Variants in GRID2 observed in about 807,000 individuals in gnomAD.
GRID2 encodes glutamate receptor ionotropic, delta-2.
In GRID2, 33 loss-of-function variants were observed where a neutral mutation model predicts 114.8. That is an observed-to-expected ratio of 0.29 (90% CI 0.22 to 0.38). The LOEUF (loss-of-function observed/expected upper bound fraction) is 0.38, where lower values mean the gene tolerates loss of function less well. Among genes scored for constraint, GRID2 ranks in the 10% least tolerant of loss-of-function variants. The pLI, the probability that GRID2 is intolerant of heterozygous loss-of-function variation, is 1.00. For synonymous variants in GRID2, 505 were observed against 449.9 expected (o/e 1.12, Z -1.55); for missense variants, 1,184 against 1,257.7 (o/e 0.94, Z 0.89).
At chr4:93,378,673 G>A (rs1180441359) in intron 8 of GRID2, among the ~76,000 whole-genome samples, 8 of 151,982 alleles carry the variant, frequency 5.3e-5, no homozygotes, top group Non-Finnish European at 7.4e-5. Flanking sequence ...CTTAGAGAAC[G>A]GTCCTGTTTT....
intron 2 of GRID2, among the ~76,000 whole-genome samples, chr4:92,659,893 T>C (rs1732439421): frequency 6.6e-6 from 1 of 151,492 alleles, no homozygotes; most frequent in South Asian, 2.1e-4. Flanking sequence ...TAGTACATTC[T>C]TTCCTCGGAT....
At position 93,203,719 on chromosome 4, in the gene GRID2, A is replaced by G. The variant is rs141825587; in HGVS notation, c.736-3685A>G. On this transcript the variant is annotated intron_variant, in intron 4 of 15. Coordinates refer to ENST00000282020, the MANE Select transcript of GRID2 (RefSeq NM_001510.4). ...TAGACCCAAAATGTAATATTCTACT[A>G]CTAAAGATTTGTTTCATGTCAGCTC... Among the ~76,000 whole-genome samples the G allele has an allele frequency of 4.9e-3, 748 of 152,316 alleles. 7 individuals are homozygous for G. The highest frequency in any genetic ancestry group is 0.017 in the African/African-American group (721 of 41,576).
intron 7 of GRID2, among the ~76,000 whole-genome samples, chr4:93,228,948 A>C (rs1503222): frequency 1.3e-5 from 2 of 151,916 alleles, no homozygotes; most frequent in African/African-American, 4.8e-5. Context: ...ATTTATAACC[A>C]AAACAATTAT....
At chr4:93,300,699 C>G (rs1201306386) in intron 8 of GRID2, among the ~76,000 whole-genome samples, 1 of 152,160 alleles carries the variant, frequency 6.6e-6, no homozygotes, top group Non-Finnish European at 1.5e-5. Flanking sequence ...CTCTCAGACA[C>G]CGAGTTGTAG....
intron 1 of GRID2, among the ~76,000 whole-genome samples, chr4:92,455,229 A>G (rs576142016): frequency 1.3e-5 from 2 of 152,324 alleles, no homozygotes; most frequent in South Asian, 2.1e-4. Flanking sequence ...TAATGCATCT[A>G]TTGAGCAAGT....
intron 8 of GRID2, among the ~76,000 whole-genome samples, chr4:93,270,214 A>T (rs1251199952): frequency 1.1e-5 from 1 of 87,132 alleles, no homozygotes; most frequent in African/African-American, 6.2e-5. Flanking sequence ...TCACACACAC[A>T]TACACACACA....
chr4:93,710,325 G>T (rs1400427166), intron 14 of GRID2, among the ~76,000 whole-genome samples: 1 of 152,210 alleles, frequency 6.6e-6, no homozygotes, highest in Non-Finnish European at 1.5e-5. Context: ...TGACCTTGCA[G>T]CCTGTTAGAG....
chr4:93,615,031 A>T (rs1412870038), intron 13 of GRID2, among the ~76,000 whole-genome samples: 1 of 152,198 alleles, frequency 6.6e-6, no homozygotes, highest in East Asian at 1.9e-4. Context: ...TTGGTGTGCA[A>T]TGCTGCTCTT....
chr4:92,895,584 C>T (rs975719965), intron 2 of GRID2, among the ~76,000 whole-genome samples: 1 of 151,374 alleles, frequency 6.6e-6, no homozygotes, highest in Non-Finnish European at 1.5e-5. Flanking sequence ...TTTGAGTTAC[C>T]AGTAATAAAA....
At chr4:93,238,942 T>C (rs1325688110) in intron 8 of GRID2, among the ~76,000 whole-genome samples, 1 of 151,216 alleles carries the variant, frequency 6.6e-6, no homozygotes, top group Non-Finnish European at 1.5e-5. Flanking sequence ...TCATGTAATA[T>C]GTAGAAAATA....
chr4:92,638,787 A>C (rs1278787300), intron 2 of GRID2, among the ~76,000 whole-genome samples: 2 of 148,304 alleles, frequency 1.3e-5, no homozygotes, highest in East Asian at 2.2e-4. Context: ...TAATATTAAA[A>C]ATTTTAATAT....
chr4:92,372,820 G>C (rs566928426), intron 1 of GRID2, among the ~76,000 whole-genome samples: 40 of 152,124 alleles, frequency 2.6e-4, no homozygotes, highest in Non-Finnish European at 4.1e-4. Context: ...TTATGATTTA[G>C]AAATTAATTG....
At chr4:92,761,839 C>T (rs1738025385) in intron 2 of GRID2, among the ~76,000 whole-genome samples, 1 of 152,056 alleles carries the variant, frequency 6.6e-6, no homozygotes, top group Admixed American at 6.5e-5. Flanking sequence ...AAAGGTATGT[C>T]AGAAATGAAG....
intron 14 of GRID2, among the ~76,000 whole-genome samples, chr4:93,663,128 A>G (rs1336691126): frequency 6.6e-6 from 1 of 152,180 alleles, no homozygotes; most frequent in South Asian, 2.1e-4. Context: ...GAGTTTTACC[A>G]TCAGTGGTTC....
rs574307494 is a variant in GRID2, at chr4:92,696,615, C to T, written c.244+106329C>T. Reference sequence around the variant, plus strand: ...AAGTCACCCAAATTTGAGCCAGAATCGTATATCCATATTGCTGTGAACAAC... The same window carrying T: ...AAGTCACCCAAATTTGAGCCAGAATTGTATATCCATATTGCTGTGAACAAC... On this transcript the variant is annotated intron_variant, in intron 2 of 15. Transcript: ENST00000282020. 1.2e-4 allele frequency among the ~76,000 whole-genome samples: 18 copies of T among 152,196 alleles called. No individual in the cohort carries two copies. The East Asian group carries it at 3.5e-3, about 29-fold the overall frequency.
At chr4:92,927,116 T>C (rs952521426) in intron 2 of GRID2, among the ~76,000 whole-genome samples, 3 of 151,904 alleles carry the variant, frequency 2.0e-5, no homozygotes, top group African/African-American at 7.2e-5. Context: ...ATTATGAACT[T>C]GGAGATAAAC....
Position 93,723,733 on chromosome 4 carries a change from A to G in GRID2, c.2361-45477A>G, listed in dbSNP as rs939760590. 3.3e-5 allele frequency among the ~76,000 whole-genome samples: 5 copies of G among 152,344 alleles called. No homozygotes were observed. The East Asian group carries it at 5.8e-4, about 18-fold the overall frequency. ...GGATCGATGTAATAGCAAATAATTT[A>G]TTACCTGCCCTCTGTGCATCAATCT... On this transcript the variant is annotated intron_variant, in intron 14 of 15. Transcript: ENST00000282020.
intron 3 of GRID2, among the ~76,000 whole-genome samples, chr4:93,109,277 T>A (rs1732549649): frequency 2.0e-5 from 3 of 152,234 alleles, no homozygotes; most frequent in African/African-American, 7.2e-5. Flanking sequence ...GTTTACCACA[T>A]AATTAATGAT....
chr4:93,340,117 A>G (rs1028453814), intron 8 of GRID2, among the ~76,000 whole-genome samples: 7 of 152,020 alleles, frequency 4.6e-5, no homozygotes, highest in Non-Finnish European at 8.8e-5. Flanking sequence ...TCTAACTGCA[A>G]TTTTCCTTTT....
Sources: allele counts gnomAD v4.1 joint callset (sites outside exome capture counted in the v4.1 genomes callset), GRCh38; gene constraint gnomAD v4.1.1; transcripts MANE v1.5; gene names NCBI Gene and HGNC (gene_info 2026-07-23, HGNC 2026-07-21).